Variants in ARHGAP24 observed in about 807,000 individuals in gnomAD.
ARHGAP24 encodes rho GTPase-activating protein 24.
In ARHGAP24, 50 loss-of-function variants were observed where a neutral mutation model predicts 76.4. That is an observed-to-expected ratio of 0.65 (90% CI 0.52 to 0.83). The LOEUF (loss-of-function observed/expected upper bound fraction) is 0.83, where lower values mean the gene tolerates loss of function less well. Ranked by LOEUF, ARHGAP24 falls within the 40% of genes least tolerant of loss-of-function variation. ARHGAP24 has a pLI of 0.00. For missense variants in ARHGAP24, 930 were observed against 914.2 expected, an observed-to-expected ratio of 1.02 and a Z score of -0.22; for synonymous variants, 345 against 323.3, an observed-to-expected ratio of 1.07 and a Z score of -0.72.
At chr4:85,991,468 A>G (rs903444296) in intron 8 of ARHGAP24, 1 of 152,170 alleles carries the variant, frequency 6.6e-6, no homozygotes, top group African/African-American at 2.4e-5. Context: ...ATTCTCCATC[A>G]GCTAGTGAAT....
intron 3 of ARHGAP24, among the ~76,000 whole-genome samples, chr4:85,770,442 G>A (rs11945319): frequency 0.17 from 26,363 of 152,090 alleles, 3,132 homozygotes; most frequent in East Asian, 0.66. Context: ...TCCTAGGTTT[G>A]TTTTCTTGGG....
At chr4:85,616,741 C>T (rs908630153) in intron 2 of ARHGAP24, among the ~76,000 whole-genome samples, 8 of 152,102 alleles carry the variant, frequency 5.3e-5, no homozygotes, top group African/African-American at 1.9e-4. Context: ...TATTCTTGTG[C>T]CCCAGCCTCC....
intron 3 of ARHGAP24, among the ~76,000 whole-genome samples, chr4:85,789,220 T>TAAAAAA: frequency 7.8e-6 from 1 of 128,362 alleles, no homozygotes; most frequent in Non-Finnish European, 1.6e-5. Context: ...GAACCTCCAT[T>TAAAAAA]AAAAAAAAAA....
intron 3 of ARHGAP24, among the ~76,000 whole-genome samples, chr4:85,919,783 A>G (rs1442790304): frequency 6.6e-6 from 1 of 152,190 alleles, no homozygotes; most frequent in Non-Finnish European, 1.5e-5. Flanking sequence ...ACAGCAGGAT[A>G]TTGCTCTCTG....
chr4:85,998,974 C>T (rs907785133), intron 9 of ARHGAP24, among the ~76,000 whole-genome samples: 11 of 152,172 alleles, frequency 7.2e-5, no homozygotes, highest in African/African-American at 2.7e-4. Flanking sequence ...GTTCTGATGG[C>T]TGAAGCTGCT....
intron 2 of ARHGAP24, among the ~76,000 whole-genome samples, chr4:85,587,211 A>G (rs1391902369): frequency 6.6e-6 from 1 of 152,170 alleles, no homozygotes; most frequent in African/African-American, 2.4e-5. Flanking sequence ...ATTGACCCCA[A>G]GTGGTATTCC....
At chr4:85,541,749 A>T (rs1246141692) in intron 1 of ARHGAP24, among the ~76,000 whole-genome samples, 1 of 144,660 alleles carries the variant, frequency 6.9e-6, no homozygotes, top group East Asian at 1.9e-4. Context: ...AATCACTGAA[A>T]CAATAGAGAT....
chr4:85,581,247 T>C (rs1197085355), intron 2 of ARHGAP24, among the ~76,000 whole-genome samples: 1 of 152,136 alleles, frequency 6.6e-6, no homozygotes, highest in Non-Finnish European at 1.5e-5. Context: ...TTATGATAAA[T>C]TATTTCTCTT....
intron 3 of ARHGAP24, among the ~76,000 whole-genome samples, chr4:85,729,437 TG>T (rs1250352274): frequency 6.6e-6 from 1 of 152,236 alleles, no homozygotes. Context: ...GTTTTAAAAA[TG>T]TTTTTAATCC....
intron 1 of ARHGAP24, among the ~76,000 whole-genome samples, chr4:85,534,098 G>A (rs986244612): frequency 1.1e-4 from 16 of 152,144 alleles, no homozygotes; most frequent in African/African-American, 3.9e-4. Flanking sequence ...AGCTGGTGAA[G>A]CAGCTAACAC....
intron 2 of ARHGAP24, among the ~76,000 whole-genome samples, chr4:85,679,067 C>T (rs1219828560): frequency 6.6e-6 from 1 of 152,086 alleles, no homozygotes; most frequent in Non-Finnish European, 1.5e-5. Flanking sequence ...ACTTTTATAC[C>T]ATCTTGAGGT....
chr4:85,977,085 G>C (rs1739384048), intron 7 of ARHGAP24, among the ~76,000 whole-genome samples: 1 of 152,004 alleles, frequency 6.6e-6, no homozygotes, highest in African/African-American at 2.4e-5. Flanking sequence ...ACCATGTCCG[G>C]CCTGTATTTT....
chr4:85,511,387 C>T (rs1430259696), intron 1 of ARHGAP24, among the ~76,000 whole-genome samples: 1 of 152,016 alleles, frequency 6.6e-6, no homozygotes, highest in South Asian at 2.1e-4. Context: ...GTTGCTATAA[C>T]GAAGTACCAC....
intron 9 of ARHGAP24, among the ~76,000 whole-genome samples, chr4:85,996,198 G>A (rs2148872559): frequency 6.6e-6 from 1 of 152,320 alleles, no homozygotes; most frequent in Admixed American, 6.5e-5. Context: ...AGAGCCAGGT[G>A]ACATAGGGGA....
In ARHGAP24 at chr4:85,485,403, ATATATATATATC is replaced by A. The variant is rs1426353851; in HGVS notation, c.-21+9846_-21+9857del. Among the ~76,000 whole-genome samples, 538 of 118,014 alleles carry A rather than the reference ATATATATATATC, an allele frequency of 4.6e-3. 8 individuals are homozygous for A. The highest frequency in any genetic ancestry group is 0.017 in the African/African-American group (516 of 29,622). 77.4% of individuals were successfully genotyped at this position (118,014 alleles called of 152,430 possible). A position where few individuals can be genotyped will look rare whatever the true frequency, so the allele number is the denominator to read the frequency against. ...TATATATATATATATATATATATAT[ATATATATATATC>A]TCCTTGGATTTTTAAAATGTAGGCT... On this transcript the variant is annotated intron_variant, in intron 1 of 9. Coordinates refer to ENST00000395184, the MANE Select transcript of ARHGAP24 (RefSeq NM_001025616.3).
intron 2 of ARHGAP24, among the ~76,000 whole-genome samples, chr4:85,651,764 T>C (rs1324976961): frequency 1.4e-5 from 2 of 146,776 alleles, no homozygotes; most frequent in African/African-American, 5.2e-5. Context: ...GCATCTGTAT[T>C]CCTTCAAGGC....
intron 3 of ARHGAP24, among the ~76,000 whole-genome samples, chr4:85,876,167 A>G (rs556105135): frequency 2.0e-5 from 3 of 152,326 alleles, no homozygotes; most frequent in East Asian, 1.9e-4. Flanking sequence ...TGTACAATGT[A>G]TACACACTCA....
intron 3 of ARHGAP24, among the ~76,000 whole-genome samples, chr4:85,834,814 A>G (rs1329862467): frequency 6.6e-6 from 1 of 152,200 alleles, no homozygotes; most frequent in African/African-American, 2.4e-5. Flanking sequence ...TTGTTTCCCC[A>G]AGCCTTGCCC....
intron 2 of ARHGAP24, among the ~76,000 whole-genome samples, chr4:85,665,801 C>A (rs1722591381): frequency 6.6e-6 from 1 of 152,094 alleles, no homozygotes; most frequent in Non-Finnish European, 1.5e-5. Flanking sequence ...ATATGAAATT[C>A]TGGGTTGAAA....
Sources: gnomAD v4.1 joint callset for allele counts (sites outside exome capture counted in the v4.1 genomes callset) on GRCh38, gnomAD v4.1.1 for gene constraint, MANE v1.5 for transcripts, NCBI Gene and HGNC (gene_info 2026-07-23, HGNC 2026-07-21) for gene names.